ZNF804A: variants seen among roughly 807,000 people sequenced by gnomAD.
ZNF804A encodes zinc finger protein 804A.
In ZNF804A, 2 loss-of-function variants were observed where a neutral mutation model predicts 16.5. That is an observed-to-expected ratio of 0.12 (90% confidence interval 0.05 to 0.38). The LOEUF is 0.38. Ranked by LOEUF, ZNF804A falls within the 10% of genes least tolerant of loss-of-function variation. ZNF804A has a pLI of 0.99. For missense variants in ZNF804A, 1,473 were observed against 1,390.7 expected (o/e 1.06, Z -0.94); for synonymous variants, 534 against 489.6 (o/e 1.09, Z -1.20).
At chr2:184,770,278 C>A (rs1694190339) in intron 1 of ZNF804A, among the ~76,000 whole-genome samples, 1 of 152,038 alleles carries the variant, frequency 6.6e-6, no homozygotes, top group Non-Finnish European at 1.5e-5. Context: ...ACCCACTTTT[C>A]CAACCCAAAC....
At chr2:184,926,265 G>C (rs1685609649) in intron 2 of ZNF804A, among the ~76,000 whole-genome samples, 1 of 143,792 alleles carries the variant, frequency 7.0e-6, no homozygotes, top group South Asian at 2.2e-4. Context: ...TTTTAAGCAG[G>C]TTTACTATTC....
chr2:184,611,710 T>C (rs1162504777), intron 1 of ZNF804A, among the ~76,000 whole-genome samples: 1 of 152,170 alleles, frequency 6.6e-6, no homozygotes, highest in Non-Finnish European at 1.5e-5. Context: ...ACAGGCATAG[T>C]AATCAACCAT....
At chr2:184,733,522 T>C (rs1693556609) in intron 1 of ZNF804A, among the ~76,000 whole-genome samples, 1 of 152,110 alleles carries the variant, frequency 6.6e-6, no homozygotes, top group Non-Finnish European at 1.5e-5. Context: ...ATCAGAAAAA[T>C]GCTGGCCTCA....
intron 2 of ZNF804A, among the ~76,000 whole-genome samples, chr2:184,874,510 A>G (rs2105814843): frequency 6.6e-6 from 1 of 152,262 alleles, no homozygotes; most frequent in African/African-American, 2.4e-5. Flanking sequence ...ACTCAGTAGT[A>G]AGTGGAGAAT....
chr2:184,753,141 T>C (rs1181448960), intron 1 of ZNF804A, among the ~76,000 whole-genome samples: 1 of 151,654 alleles, frequency 6.6e-6, no homozygotes, highest in African/African-American at 2.4e-5. Context: ...GCTGACATAA[T>C]GATTTGTTGG....
chr2:184,656,377 A>G (rs1692074784), intron 1 of ZNF804A, among the ~76,000 whole-genome samples: 1 of 152,132 alleles, frequency 6.6e-6, no homozygotes, highest in Non-Finnish European at 1.5e-5. Flanking sequence ...TTAGTGGGCT[A>G]TGAATTACAG....
Position 184,938,051 on chromosome 2 carries a change from T to G in ZNF804A, c.2655T>G (p.Asn885Lys), listed in dbSNP as rs766924048. 2 of 1,613,928 alleles carry G rather than the reference T, an allele frequency of 1.2e-6. No individual in the cohort carries two copies. The highest frequency in any genetic ancestry group is 4.5e-5 in the East Asian group (2 of 44,838). ...LRNKLSFHPN[N>K]LLPSETNGET... Reference sequence around the variant, plus strand: ...ACAAACTGTCTTTCCACCCTAACAATCTCCTTCCTTCTGAAACCAATGGTG... The same window carrying G: ...ACAAACTGTCTTTCCACCCTAACAAGCTCCTTCCTTCTGAAACCAATGGTG... Residue 885 changes from asparagine to lysine, a missense_variant, in exon 4 of 4, where the codon AAT (asparagine) becomes AAG (lysine). Transcript: ENST00000302277.
chr2:184,886,885 G>T (rs1024074032), intron 2 of ZNF804A, among the ~76,000 whole-genome samples: 3 of 152,308 alleles, frequency 2.0e-5, no homozygotes, highest in Middle Eastern at 3.4e-3. Flanking sequence ...CTGCCATGAG[G>T]GTCTCTGACA....
At chr2:184,777,775 T>G (rs1279749004) in intron 1 of ZNF804A, among the ~76,000 whole-genome samples, 1 of 151,698 alleles carries the variant, frequency 6.6e-6, no homozygotes, top group African/African-American at 2.4e-5. Flanking sequence ...GTGGGTTGTT[T>G]GTCCTTTAGA....
chr2:184,691,946 A>G (rs528861959), intron 1 of ZNF804A, among the ~76,000 whole-genome samples: 6 of 152,146 alleles, frequency 3.9e-5, no homozygotes, highest in Non-Finnish European at 7.4e-5. Context: ...ATCTTTTACA[A>G]TTGGTAAAAT....
chr2:184,928,716 G>A (rs10170107), intron 2 of ZNF804A, among the ~76,000 whole-genome samples: 6,517 of 152,264 alleles, frequency 0.043, 448 homozygotes, highest in African/African-American at 0.15. Flanking sequence ...CAACTGCTGG[G>A]ATGGTCCATT....
At chr2:184,623,046 G>C (rs908693782) in intron 1 of ZNF804A, among the ~76,000 whole-genome samples, 15 of 151,936 alleles carry the variant, frequency 9.9e-5, no homozygotes, top group Non-Finnish European at 2.2e-4. Context: ...ATTAGCAGTG[G>C]GTTATATGAG....
At chr2:184,928,814 A>G (rs910315712) in intron 2 of ZNF804A, among the ~76,000 whole-genome samples, 1 of 152,132 alleles carries the variant, frequency 6.6e-6, no homozygotes, top group Non-Finnish European at 1.5e-5. Context: ...TTGTGGCAGG[A>G]AAGCACTGAG....
chr2:184,755,349 G>A (rs1419341362), intron 1 of ZNF804A, among the ~76,000 whole-genome samples: 2 of 151,864 alleles, frequency 1.3e-5, no homozygotes, highest in Admixed American at 1.3e-4. Flanking sequence ...TAAATGAAGT[G>A]TTTGTTTCTA....
At chr2:184,769,822 G>A (rs1438405672) in intron 1 of ZNF804A, among the ~76,000 whole-genome samples, 1 of 151,976 alleles carries the variant, frequency 6.6e-6, no homozygotes, top group Non-Finnish European at 1.5e-5. Context: ...ACAAGGCTTG[G>A]TAATCAGAGC....
intron 2 of ZNF804A, among the ~76,000 whole-genome samples, chr2:184,871,468 T>C (rs1211354815): frequency 6.7e-6 from 1 of 149,566 alleles, no homozygotes. Flanking sequence ...CTGAATATTA[T>C]TAACAAAATA....
At chr2:184,624,709 A>C (rs928486157) in intron 1 of ZNF804A, among the ~76,000 whole-genome samples, 1 of 152,192 alleles carries the variant, frequency 6.6e-6, no homozygotes, top group African/African-American at 2.4e-5. Flanking sequence ...TTTTCTGATT[A>C]AACTAAACAC....
At chr2:184,810,203 ACAAATACTATATGGTCTC>A (rs747553891) in intron 1 of ZNF804A, among the ~76,000 whole-genome samples, 1 of 152,176 alleles carries the variant, frequency 6.6e-6, no homozygotes, top group Non-Finnish European at 1.5e-5. Context: ...AGGAGTTGGA[ACAAATACTATATGGTCTC>A]CAAAGACTAA....
intron 1 of ZNF804A, among the ~76,000 whole-genome samples, chr2:184,693,233 T>G (rs1574165490): frequency 6.6e-6 from 1 of 152,148 alleles, no homozygotes; most frequent in Admixed American, 6.5e-5. Flanking sequence ...AAAATAATTA[T>G]TTAGAATAAG....
Sources: allele counts gnomAD v4.1 joint callset (sites outside exome capture counted in the v4.1 genomes callset), GRCh38; gene constraint gnomAD v4.1.1; transcripts MANE v1.5; gene names NCBI Gene and HGNC (gene_info 2026-07-23, HGNC 2026-07-21).